ITPR2: variants seen among roughly 807,000 people sequenced by gnomAD.
ITPR2 encodes the protein inositol 1,4,5-trisphosphate-gated calcium channel ITPR2.
A neutral mutation model predicts 317.1 loss-of-function variants in ITPR2; 207 were observed. That is an observed-to-expected ratio of 0.65 (90% CI 0.58 to 0.73). The LOEUF (loss-of-function observed/expected upper bound fraction) is 0.73, where lower values mean the gene tolerates loss of function less well. Among genes scored for constraint, ITPR2 ranks in the 30% least tolerant of loss-of-function variants. The pLI, the probability that ITPR2 is intolerant of heterozygous loss-of-function variation, is 0.00. For missense variants in ITPR2, 2,613 were observed against 3,284.0 expected, an observed-to-expected ratio of 0.80 and a Z score of 4.99; for synonymous variants, 1,156 against 1,149.1, an observed-to-expected ratio of 1.01 and a Z score of -0.12.
At chr12:26,617,802 GGGAAGGAA>G (rs781553966) in intron 26 of ITPR2, among the ~76,000 whole-genome samples, 1 of 149,762 alleles carries the variant, frequency 6.7e-6, no homozygotes, top group Non-Finnish European at 1.5e-5. Context: ...AAAGGAAGGA[GGGAAGGAA>G]GGAAGGAAGG....
At chr12:26,467,919 CA>C (rs1433400900) in intron 45 of ITPR2, among the ~76,000 whole-genome samples, 1 of 152,082 alleles carries the variant, frequency 6.6e-6, no homozygotes, top group Non-Finnish European at 1.5e-5. Context: ...ATTTTTTTCC[CA>C]TTATACTTTT....
intron 51 of ITPR2, among the ~76,000 whole-genome samples, chr12:26,412,044 T>C (rs1187124999): frequency 3.9e-5 from 6 of 152,240 alleles, no homozygotes; most frequent in Admixed American, 3.9e-4. Context: ...CGTTTTATTT[T>C]TTTAAATGTT....
At chr12:26,426,636 A>T (rs1331809323) in intron 49 of ITPR2, among the ~76,000 whole-genome samples, 1 of 152,088 alleles carries the variant, frequency 6.6e-6, no homozygotes, top group Non-Finnish European at 1.5e-5. Context: ...ATGATTGAGG[A>T]TAATTGGTAA....
chr12:26,826,762 A>G lies in ITPR2; in HGVS notation c.92+5928T>C, dbSNP rs534535650. 3.3e-5 allele frequency among the ~76,000 whole-genome samples: 5 copies of G among 152,300 alleles called. No individual in the cohort carries two copies. The East Asian group carries it at 9.6e-4, about 29-fold the overall frequency. On this transcript the variant is annotated intron_variant, in intron 1 of 56. Coordinates refer to ENST00000381340, the MANE Select transcript of ITPR2 (RefSeq NM_002223.4). ...TACATATACAGATGTACACACACAC[A>G]CACATATACACACTTTTCATTTACG...
intron 56 of ITPR2, among the ~76,000 whole-genome samples, chr12:26,339,758 T>C (rs1212995584): frequency 6.6e-6 from 1 of 152,206 alleles, no homozygotes; most frequent in East Asian, 1.9e-4. Context: ...TTTTAATAGC[T>C]ACCATGGTTA....
chr12:26,494,162 T>C lies in ITPR2; in HGVS notation c.5361A>G (p.Thr1787=), dbSNP rs760466876. 1 of 1,611,020 alleles carries C rather than the reference T, an allele frequency of 6.2e-7. No individual in the cohort carries two copies. Among genetic ancestry groups the C allele is most frequent in the South Asian group, 1.1e-5 (1 of 90,600 alleles). The change falls in exon 39 of 57, where the codon ACA becomes ACG. Residue 1787 remains threonine (T), a synonymous_variant. Transcript: ENST00000381340. ...ATTGATGAACAAGTACCTGTGTTTG[T>C]GTATTTCCTCCTTCAAGCAAGGCAA... ...LGIALLEGGN[T]QTQYSFYQQL...
intron 45 of ITPR2, among the ~76,000 whole-genome samples, chr12:26,458,250 G>A (rs1941936907): frequency 6.6e-6 from 1 of 152,178 alleles, no homozygotes; most frequent in Non-Finnish European, 1.5e-5. Flanking sequence ...GCTCTGCCAG[G>A]CTGTCCAGGT....
At chr12:26,744,617 A>G (rs1456384542) in intron 2 of ITPR2, among the ~76,000 whole-genome samples, 1 of 152,142 alleles carries the variant, frequency 6.6e-6, no homozygotes, top group East Asian at 1.9e-4. Context: ...GAACATACGA[A>G]TAAAAAAAAC....
chr12:26,595,426 T>C (rs1164776923), intron 32 of ITPR2, 39 bp downstream of exon 32: 4 of 1,578,998 alleles, frequency 2.5e-6, no homozygotes, highest in Non-Finnish European at 3.4e-6. Context: ...TTAGTCGAAA[T>C]ATCTATTGAC....
At chr12:26,419,449 A>C in intron 49 of ITPR2, 1 of 381,048 alleles carries the variant, frequency 2.6e-6, no homozygotes, top group South Asian at 3.7e-5. Context: ...AACATAATAC[A>C]TGCAAAACTT....
intron 1 of ITPR2, among the ~76,000 whole-genome samples, chr12:26,823,964 CAT>C (rs959166334): frequency 2.6e-5 from 4 of 152,162 alleles, no homozygotes; most frequent in African/African-American, 4.8e-5. Flanking sequence ...TACTTCTTAA[CAT>C]GTGTCAATAG....
intron 13 of ITPR2, among the ~76,000 whole-genome samples, chr12:26,671,753 G>A (rs2136938990): frequency 6.6e-6 from 1 of 152,234 alleles, no homozygotes; most frequent in South Asian, 2.1e-4. Flanking sequence ...ACACAGACTG[G>A]CAAATTGGAT....
At chr12:26,666,077 T>C (rs1947620717) in intron 13 of ITPR2, 26 bp from the exon 14 acceptor site, 1 of 1,599,110 alleles carries the variant, frequency 6.3e-7, no homozygotes, top group South Asian at 1.1e-5. Context: ...AAGGAAATTT[T>C]ACTTTACAGT....
At chr12:26,490,314 C>A (rs1446756627) in intron 39 of ITPR2, among the ~76,000 whole-genome samples, 1 of 152,076 alleles carries the variant, frequency 6.6e-6, no homozygotes, top group African/African-American at 2.4e-5. Flanking sequence ...ACCAAATGTC[C>A]CAGACAGCTA....
In ITPR2 at chr12:26,811,191, T is replaced by A. The variant is rs148038128; in HGVS notation, c.93-20964A>T. ...AATTTTGTATAGAACTTATTTCTAT[T>A]TTCCAAATATGTTTCTTCATTAATA... On this transcript the variant is annotated intron_variant, in intron 1 of 56. Transcript: ENST00000381340. 9.2e-4 allele frequency among the ~76,000 whole-genome samples: 140 copies of A among 152,366 alleles called. No individual in the cohort carries two copies. The East Asian group carries it at 0.014, about 15-fold the overall frequency.
chr12:26,655,878 C>T, intron 19 of ITPR2, 26 bp from the exon 20 acceptor site: 2 of 1,586,684 alleles, frequency 1.3e-6, no homozygotes, highest in East Asian at 2.2e-5. Flanking sequence ...GAAGATAACG[C>T]AAGTTAAACT....
At chr12:26,463,878 G>A (rs537326043) in intron 45 of ITPR2, among the ~76,000 whole-genome samples, 7 of 152,164 alleles carry the variant, frequency 4.6e-5, no homozygotes, top group East Asian at 1.9e-4. Flanking sequence ...CTCTCTTCTT[G>A]ATGTAAGGTC....
chr12:26,475,546 G>T, intron 44 of ITPR2, 128 bp from the exon 45 acceptor site: 1 of 940,692 alleles, frequency 1.1e-6, no homozygotes, highest in South Asian at 1.8e-5. Context: ...AATGAAAATG[G>T]CCTTGGAAAC....
chr12:26,687,375 A>G (rs1451767696), intron 10 of ITPR2, among the ~76,000 whole-genome samples: 1 of 152,228 alleles, frequency 6.6e-6, no homozygotes, highest in Non-Finnish European at 1.5e-5. Flanking sequence ...GTAGATAAAA[A>G]TAGTGACTTA....
Sources: gnomAD v4.1 joint callset for allele counts (sites outside exome capture counted in the v4.1 genomes callset) on GRCh38, gnomAD v4.1.1 for gene constraint, MANE v1.5 for transcripts, NCBI Gene and HGNC (gene_info 2026-07-23, HGNC 2026-07-21) for gene names.